TENM2: variants seen among roughly 807,000 people sequenced by gnomAD.
The protein encoded by TENM2 is teneurin transmembrane protein 2, also known as teneurin-2.
Under a neutral mutation model 245.2 loss-of-function variants are expected in TENM2, and 52 were observed. The ratio of observed to expected loss-of-function variants is 0.21; its 90% CI spans 0.17 to 0.27. The LOEUF (loss-of-function observed/expected upper bound fraction) is 0.27, where lower values mean the gene tolerates loss of function less well. Ranked by LOEUF, TENM2 falls within the 10% of genes least tolerant of loss-of-function variation. The pLI, the probability that TENM2 is intolerant of heterozygous loss-of-function variation, is 1.00. For synonymous variants in TENM2, 1,363 were observed against 1,438.9 expected (o/e 0.95, Z 1.19); for missense variants, 3,046 against 3,666.8 (o/e 0.83, Z 4.37).
intron 4 of TENM2, among the ~76,000 whole-genome samples, chr5:167,970,048 C>T (rs531627603): frequency 2.6e-5 from 4 of 152,344 alleles, no homozygotes; most frequent in Non-Finnish European, 4.4e-5. Flanking sequence ...GGTCACAGCC[C>T]AGCTCATATT....
the TENM2 span, among the ~76,000 whole-genome samples, chr5:167,206,243 G>C: frequency 9.2e-5 from 14 of 152,220 alleles, no homozygotes; most frequent in South Asian, 2.9e-3. Context: ...CTCCAAAAAT[G>C]TTTCTGCTTT....
At chr5:167,913,502 C>A (rs899785102) in intron 3 of TENM2, among the ~76,000 whole-genome samples, 8 of 152,194 alleles carry the variant, frequency 5.3e-5, no homozygotes, top group African/African-American at 1.9e-4. Flanking sequence ...GTTCCCATTT[C>A]TCAATCTCTT....
chr5:167,184,446 A>G, the TENM2 span, among the ~76,000 whole-genome samples: 1 of 152,274 alleles, frequency 6.6e-6, no homozygotes, highest in South Asian at 2.1e-4. Context: ...GTGATGGTAA[A>G]AAGTTTTTGT....
intron 2 of TENM2, among the ~76,000 whole-genome samples, chr5:167,853,221 T>C (rs1311118890): frequency 1.6e-5 from 2 of 125,014 alleles, no homozygotes; most frequent in Non-Finnish European, 3.2e-5. Flanking sequence ...ACCCGGGAGG[T>C]GGAGCTTGCA....
In TENM2 at chr5:167,350,730, T is replaced by TACGG. The variant is rs1183674723; in HGVS notation, c.227-24467_227-24466insCGGA. On this transcript the variant is annotated intron_variant, in intron 1 of 28. Transcript: ENST00000518659. ...GATATATATATATGGGATATATACA[T>TACGG]ATGGATATATATATATGGGATATAT... 5.5e-4 allele frequency among the ~76,000 whole-genome samples: 77 copies of TACGG among 140,286 alleles called. 1 individual carries two copies. In the East Asian group the frequency reaches 6.1e-3, roughly 11 times the overall value. 92.0% of individuals were successfully genotyped at this position (140,286 alleles called of 152,430 possible).
the TENM2 span, among the ~76,000 whole-genome samples, chr5:167,215,882 CT>C: frequency 2.0e-5 from 3 of 152,016 alleles, no homozygotes; most frequent in South Asian, 2.1e-4. Flanking sequence ...GTTGATTGAT[CT>C]TTTTTTTAAA....
chr5:167,637,830 G>A (rs1322601489), intron 2 of TENM2, among the ~76,000 whole-genome samples: 1 of 152,064 alleles, frequency 6.6e-6, no homozygotes, highest in Non-Finnish European at 1.5e-5. Context: ...GGGGAAAGGG[G>A]AGGGAAAGCA....
chr5:167,030,135 T>C, the TENM2 span, among the ~76,000 whole-genome samples: 1 of 152,190 alleles, frequency 6.6e-6, no homozygotes, highest in Non-Finnish European at 1.5e-5. Context: ...TGCAAACCAA[T>C]TCCTTTTTAC....
chr5:167,871,090 A>G (rs1351687392), intron 2 of TENM2, among the ~76,000 whole-genome samples: 1 of 152,256 alleles, frequency 6.6e-6, no homozygotes, highest in African/African-American at 2.4e-5. Context: ...TTAAGTCAGG[A>G]TCCAAATCAA....
chr5:168,243,866 C>T (rs1766313866), intron 25 of TENM2, among the ~76,000 whole-genome samples: 1 of 152,162 alleles, frequency 6.6e-6, no homozygotes, highest in African/African-American at 2.4e-5. Context: ...TCATCTCTGT[C>T]CATAAGCTGC....
intron 2 of TENM2, among the ~76,000 whole-genome samples, chr5:167,536,234 T>C (rs1332660763): frequency 6.6e-6 from 1 of 152,048 alleles, no homozygotes; most frequent in East Asian, 1.9e-4. Flanking sequence ...ATTTTTATCA[T>C]AATGACTGGC....
chr5:168,196,450 G>A (rs1443539499), intron 15 of TENM2, among the ~76,000 whole-genome samples: 1 of 152,070 alleles, frequency 6.6e-6, no homozygotes, highest in African/African-American at 2.4e-5. Flanking sequence ...AGAAGCCGGT[G>A]GGGTTTTTTT....
chr5:167,394,683 CCTCCTGGGGTCAAGTGATT>C (rs1409766375), intron 2 of TENM2, among the ~76,000 whole-genome samples: 3 of 151,524 alleles, frequency 2.0e-5, no homozygotes, highest in Non-Finnish European at 2.9e-5. Flanking sequence ...GCAACCTCTA[CCTCCTGGGGTCAAGTGATT>C]CTCCTGCCTC....
intron 2 of TENM2, among the ~76,000 whole-genome samples, chr5:167,580,848 G>T (rs1775040404): frequency 6.6e-6 from 1 of 152,178 alleles, no homozygotes; most frequent in South Asian, 2.1e-4. Flanking sequence ...AATTAGCCGG[G>T]CGTGGTGGCG....
intron 8 of TENM2, among the ~76,000 whole-genome samples, chr5:168,095,099 T>C (rs961383881): frequency 6.6e-6 from 1 of 152,060 alleles, no homozygotes; most frequent in Non-Finnish European, 1.5e-5. Context: ...AGTTATTTCA[T>C]TATATGTTAC....
chr5:166,990,634 G>A, the TENM2 span, among the ~76,000 whole-genome samples: 1 of 152,046 alleles, frequency 6.6e-6, no homozygotes, highest in Non-Finnish European at 1.5e-5. Flanking sequence ...TAATAGCTTT[G>A]GCCGGTAACA....
the TENM2 span, among the ~76,000 whole-genome samples, chr5:167,153,115 A>ATATC: frequency 6.6e-6 from 1 of 151,758 alleles, no homozygotes; most frequent in African/African-American, 2.4e-5. Flanking sequence ...ACACACACAC[A>ATATC]CACACAGATA....
chr5:167,267,755 G>C, the TENM2 span, among the ~76,000 whole-genome samples: 2 of 152,120 alleles, frequency 1.3e-5, no homozygotes, highest in Non-Finnish European at 2.9e-5. Flanking sequence ...ATACCTTAAG[G>C]GATCCTTAGG....
At chr5:168,223,835 T>C (rs1763896739) in intron 23 of TENM2, among the ~76,000 whole-genome samples, 1 of 152,146 alleles carries the variant, frequency 6.6e-6, no homozygotes. Context: ...CAAAATTCCA[T>C]ACAGCAAAAC....
Sources: allele counts gnomAD v4.1 joint callset (sites outside exome capture counted in the v4.1 genomes callset), GRCh38; gene constraint gnomAD v4.1.1; transcripts MANE v1.5; gene names NCBI Gene and HGNC (gene_info 2026-07-23, HGNC 2026-07-21).